GCFC2: variants seen among roughly 807,000 people sequenced by gnomAD.
The protein encoded by GCFC2 is GC-rich sequence DNA-binding factor 2.
A neutral mutation model predicts 99.4 loss-of-function variants in GCFC2; 102 were observed. The observed-to-expected ratio is 1.03, with a 90% CI of 0.87 to 1.21. GCFC2 has a LOEUF of 1.21. Ranked by LOEUF, GCFC2 falls within the 50% of genes most tolerant of loss-of-function variation. GCFC2 has a pLI of 0.00. For synonymous variants in GCFC2, 338 were observed against 316.8 expected (o/e 1.07, Z -0.71); for missense variants, 973 against 920.9 (o/e 1.06, Z -0.73).
intron 4 of GCFC2, among the ~76,000 whole-genome samples, 161 bp from the exon 5 acceptor site, chr2:75,696,476 G>A (rs916995571): frequency 2.0e-5 from 3 of 152,060 alleles, no homozygotes; most frequent in Non-Finnish European, 4.4e-5. Context: ...TTTAAATTCA[G>A]TTTTAAAATT....
intron 12 of GCFC2, among the ~76,000 whole-genome samples, chr2:75,675,754 AAAAAC>A (rs1423175925): frequency 9.9e-5 from 15 of 151,324 alleles, no homozygotes; most frequent in East Asian, 3.9e-4. Flanking sequence ...AAAAAAAAAA[AAAAAC>A]AAAAAAAAGA....
chr2:75,698,541 G>A (rs770379692), intron 4 of GCFC2, among the ~76,000 whole-genome samples: 21 of 152,172 alleles, frequency 1.4e-4, no homozygotes, highest in Non-Finnish European at 3.1e-4. Flanking sequence ...TTTATAATAT[G>A]TCAAGCAAGG....
chr2:75,701,133 G>T (rs1379945441), intron 4 of GCFC2, 57 bp downstream of exon 4: 1 of 939,006 alleles, frequency 1.1e-6, no homozygotes, highest in African/African-American at 1.6e-5. Context: ...CCAAGTTTGT[G>T]GTAATTTGTT....
rs1299985556 is a variant in GCFC2 at position 75,687,908 on chromosome 2, C to G, written c.1609G>C (p.Glu537Gln). The change falls in exon 11 of 17, where the codon GAA becomes CAA. Residue 537 changes from glutamate (E) to glutamine (Q), a missense_variant. Transcript: ENST00000321027. ...SVEEFMDSSV[E>Q]DSKKESSSDK... ...GAACTACTTTCCTTCTTTGAATCTT[C>G]CACACTGCTATCCATAAATTCTTCT... 1 of 1,602,176 alleles carries G rather than the reference C, an allele frequency of 6.2e-7. No individual in the cohort carries two copies. The highest frequency in any genetic ancestry group is 1.7e-5 in the Admixed American group (1 of 59,624).
At chr2:75,700,356 T>A (rs1573086465) in intron 4 of GCFC2, among the ~76,000 whole-genome samples, 1 of 152,144 alleles carries the variant, frequency 6.6e-6, no homozygotes, top group Admixed American at 6.5e-5. Context: ...ATATTTACCA[T>A]AGGGTTCACT....
intron 12 of GCFC2, among the ~76,000 whole-genome samples, chr2:75,675,430 T>C (rs1286357373): frequency 6.6e-6 from 1 of 152,170 alleles, no homozygotes; most frequent in Non-Finnish European, 1.5e-5. Flanking sequence ...TATTTCCAAA[T>C]AAATTGTTTA....
intron 1 of GCFC2, among the ~76,000 whole-genome samples, chr2:75,708,761 G>A (rs985005582): frequency 7.2e-5 from 11 of 151,786 alleles, no homozygotes; most frequent in African/African-American, 2.7e-4. Context: ...CACCTGCCTC[G>A]GCCTCCTAAA....
Position 75,702,132 on chromosome 2 carries a change from T to C in GCFC2, c.619+67A>G, listed in dbSNP as rs1379419168. On this transcript the variant is annotated intron_variant, in intron 3 of 16. Transcript: ENST00000321027. ...GTGAGCCAGCATATTACATTTTTTA[T>C]GGAGATTCTCTCATATTATATTCTA... The C allele has an allele frequency of 2.6e-6, 4 of 1,541,852 alleles. No individual in the cohort carries two copies. In the East Asian group the frequency reaches 7.0e-5, roughly 27 times the overall value.
chr2:75,696,407 T>TAG, intron 4 of GCFC2, 92 bp from the exon 5 acceptor site: 1 of 558,274 alleles, frequency 1.8e-6, no homozygotes, highest in African/African-American at 1.9e-5. Context: ...TGATCCAAGG[T>TAG]CTCTTCAAGC....
chr2:75,692,165 AT>A (rs1680108200), intron 6 of GCFC2, 65 bp from the exon 7 acceptor site: 2 of 469,414 alleles, frequency 4.3e-6, no homozygotes, highest in South Asian at 6.1e-5. Flanking sequence ...ATATATATAT[AT>A]ATATAAAAGT....
chr2:75,689,200 T>A lies in GCFC2; in HGVS notation c.1365A>T (p.Lys455Asn), dbSNP rs1349830795. 2 of 1,594,334 alleles carry A rather than the reference T, an allele frequency of 1.3e-6. No homozygotes were observed. Among genetic ancestry groups the A allele is most frequent in the Admixed American group, 1.7e-5 (1 of 58,450 alleles). ...SQGDILQKQK[K>N]VFEEVQDDFC... ...AATCATCTTGCACTTCTTCAAAAAC[T>A]TTCTTCTGTTTCTGTAAAATGTCAC... Residue 455 changes from lysine to asparagine, a missense_variant, in exon 10 of 17, where the codon AAA becomes AAT. Transcript: ENST00000321027.
chr2:75,702,439 A>G lies in GCFC2; in HGVS notation c.395-16T>C, dbSNP rs775808125. The G allele has an allele frequency of 6.2e-7, 1 of 1,602,180 alleles. No homozygotes were observed. The highest frequency in any genetic ancestry group is 1.1e-5 in the South Asian group (1 of 89,630). On this transcript the variant is annotated splice_polypyrimidine_tract_variant and intron_variant, in intron 2 of 16. Transcript: ENST00000321027. ...GGGATCTTAACTGAAGGAAACAAAG[A>G]CGAGGACACTAAAAACCAAAGACCA...
intron 2 of GCFC2, among the ~76,000 whole-genome samples, chr2:75,703,702 C>T (rs1558753721): frequency 6.6e-6 from 1 of 152,184 alleles, no homozygotes; most frequent in Non-Finnish European, 1.5e-5. Context: ...TCGACCCTGG[C>T]TACACATCAG....
intron 4 of GCFC2, among the ~76,000 whole-genome samples, chr2:75,700,558 T>G (rs1489232181): frequency 2.6e-5 from 4 of 152,222 alleles, no homozygotes; most frequent in African/African-American, 9.6e-5. Flanking sequence ...ATATTTGTAT[T>G]ATACAGAACA....
chr2:75,697,333 T>C (rs1404877840), intron 4 of GCFC2, among the ~76,000 whole-genome samples: 1 of 152,232 alleles, frequency 6.6e-6, no homozygotes, highest in Non-Finnish European at 1.5e-5. Context: ...TCATCTTTTG[T>C]CATTTCAGTT....
chr2:75,663,058 T>C lies in GCFC2; in HGVS notation c.*1608A>G, dbSNP rs571779772. The C allele has an allele frequency of 4.6e-5, 7 of 152,298 alleles. No homozygotes were observed. The highest frequency in any genetic ancestry group is 1.3e-4 in the Admixed American group (2 of 15,288). 9.4% of individuals were successfully genotyped at this position (152,298 alleles called of 1,614,324 possible). On this transcript the variant is annotated 3_prime_UTR_variant, in exon 17 of 17. Coordinates refer to ENST00000321027, the MANE Select transcript of GCFC2 (RefSeq NM_003203.5). ...GGAAATGCTAACTGCTTTTCAACAA[T>C]AGTTTGCATTTTCTAGATGAGATTC...
intron 13 of GCFC2, 105 bp downstream of exon 13, chr2:75,673,339 A>G: frequency 1.5e-6 from 1 of 674,400 alleles, no homozygotes; most frequent in East Asian, 2.7e-5. Flanking sequence ...CACAAAAAAC[A>G]AAACAAAAAA....
At position 75,673,251 on chromosome 2, in the gene GCFC2, T is replaced by C. The variant is rs183110580; in HGVS notation, c.1889+193A>G. 2.0e-3 allele frequency among the ~76,000 whole-genome samples: 304 copies of C among 151,110 alleles called. 1 individual carries two copies. Among genetic ancestry groups the C allele is most frequent in the African/African-American group, 7.2e-3 (298 of 41,138 alleles). ...TGAACCTGGGAGGCGGAGCTTGCAG[T>C]GAGCCGAGATCGCGCCACTGCACTC... is the stretch of plus-strand genomic sequence containing the variant. On this transcript the variant is annotated intron_variant, in intron 13 of 16. Transcript: ENST00000321027.
chr2:75,664,920 CAG>C (rs774452695), intron 16 of GCFC2, 137 bp from the exon 17 acceptor site: 8 of 595,466 alleles, frequency 1.3e-5, no homozygotes, highest in East Asian at 2.7e-5. Flanking sequence ...GCATAAAACA[CAG>C]AGAGATGCTG....
Sources: allele counts gnomAD v4.1 joint callset (sites outside exome capture counted in the v4.1 genomes callset), GRCh38; gene constraint gnomAD v4.1.1; transcripts MANE v1.5; gene names NCBI Gene and HGNC (gene_info 2026-07-23, HGNC 2026-07-21).